Variants in MGAT5 observed in about 807,000 individuals in gnomAD.
The protein encoded by MGAT5 is alpha-1,6-mannosylglycoprotein 6-beta-N-acetylglucosaminyltransferase A.
MGAT5 carries 30 observed loss-of-function variants against 94.3 expected under a neutral mutation model. That is an observed-to-expected ratio of 0.32 (90% CI 0.24 to 0.43). The LOEUF (loss-of-function observed/expected upper bound fraction) is 0.43, where lower values mean the gene tolerates loss of function less well. MGAT5 is among the 20% of genes least tolerant of loss of function. MGAT5 has a pLI of 1.00. For missense variants in MGAT5, 691 were observed against 905.5 expected, an observed-to-expected ratio of 0.76 and a Z score of 3.04; for synonymous variants, 310 against 322.9, an observed-to-expected ratio of 0.96 and a Z score of 0.43.
At chr2:134,344,802 A>G (rs1230785107) in intron 7 of MGAT5, 128 bp from the exon 8 acceptor site, 1 of 1,043,382 alleles carries the variant, frequency 9.6e-7, no homozygotes, top group African/African-American at 1.6e-5. Context: ...CAGATTTGAA[A>G]GGGCCATGCT....
intron 10 of MGAT5, among the ~76,000 whole-genome samples, chr2:134,369,450 G>T (rs1285636836): frequency 6.6e-6 from 1 of 152,070 alleles, no homozygotes; most frequent in Non-Finnish European, 1.5e-5. Context: ...CATATGATTG[G>T]GACAGGCCAC....
intron 1 of MGAT5, among the ~76,000 whole-genome samples, chr2:134,222,531 C>T (rs768368971): frequency 3.4e-4 from 52 of 152,398 alleles, no homozygotes; most frequent in Middle Eastern, 3.4e-3. Flanking sequence ...GGTATAGTAT[C>T]CTGAGGAGGG....
intron 15 of MGAT5, 152 bp downstream of exon 15, chr2:134,442,067 T>A: frequency 1.2e-6 from 1 of 817,234 alleles, no homozygotes; most frequent in Non-Finnish European, 1.9e-6. Context: ...AGGATCCCCC[T>A]AGAGAGTTAG....
intron 11 of MGAT5, among the ~76,000 whole-genome samples, chr2:134,406,581 C>T (rs1018669946): frequency 6.6e-6 from 1 of 152,168 alleles, no homozygotes; most frequent in Non-Finnish European, 1.5e-5. Flanking sequence ...TGGATGTGCT[C>T]ACAAAACCTG....
intron 1 of MGAT5, among the ~76,000 whole-genome samples, chr2:134,258,308 GT>G (rs1227255698): frequency 2.6e-5 from 4 of 152,158 alleles, no homozygotes; most frequent in Admixed American, 2.6e-4. Context: ...AGTCACCATG[GT>G]TATTCTAAAT....
chr2:134,226,781 C>G (rs78537245), intron 1 of MGAT5, among the ~76,000 whole-genome samples: 1,688 of 152,242 alleles, frequency 0.011, 22 homozygotes, highest in African/African-American at 0.037. Flanking sequence ...AACGGACATG[C>G]CCTGCTCTTA....
intron 4 of MGAT5, among the ~76,000 whole-genome samples, chr2:134,326,167 A>C (rs1013097413): frequency 6.6e-6 from 1 of 151,540 alleles, no homozygotes; most frequent in Non-Finnish European, 1.5e-5. Context: ...GTGACTCTTC[A>C]TCAGGTATGT....
intron 13 of MGAT5, among the ~76,000 whole-genome samples, chr2:134,424,174 G>A (rs2106365571): frequency 6.6e-6 from 1 of 152,274 alleles, no homozygotes; most frequent in African/African-American, 2.4e-5. Flanking sequence ...TCAAAGCACA[G>A]TGTGACTGAA....
chr2:134,351,560 G>A (rs1679387648), intron 9 of MGAT5, among the ~76,000 whole-genome samples: 1 of 152,078 alleles, frequency 6.6e-6, no homozygotes, highest in Non-Finnish European at 1.5e-5. Context: ...GTTCTCCATG[G>A]ATGGAGAATT....
chr2:134,152,879 C>T (rs1017019920), intron 1 of MGAT5, among the ~76,000 whole-genome samples: 1 of 149,486 alleles, frequency 6.7e-6, no homozygotes, highest in African/African-American at 2.5e-5. Flanking sequence ...TAAGCATACC[C>T]TTTCCAGGCA....
At chr2:134,255,296 T>C (rs989319609) in intron 1 of MGAT5, among the ~76,000 whole-genome samples, 1 of 152,040 alleles carries the variant, frequency 6.6e-6, no homozygotes, top group Non-Finnish European at 1.5e-5. Flanking sequence ...AATACACATA[T>C]GGGATGTAAC....
At chr2:134,423,827 GTGT>G (rs67145781) in intron 13 of MGAT5, among the ~76,000 whole-genome samples, 19,660 of 152,116 alleles carry the variant, frequency 0.13, 1,665 homozygotes, top group East Asian at 0.3. Context: ...ATGTCTACTT[GTGT>G]TTAGTGTTTA....
intron 4 of MGAT5, among the ~76,000 whole-genome samples, chr2:134,336,011 C>CT (rs1258655493): frequency 1.3e-5 from 2 of 152,084 alleles, no homozygotes; most frequent in African/African-American, 4.8e-5. Context: ...TAATCTCTTC[C>CT]TTCTGACCTT....
intron 6 of MGAT5, among the ~76,000 whole-genome samples, 185 bp from the exon 7 acceptor site, chr2:134,341,405 T>C (rs927104461): frequency 1.3e-5 from 2 of 152,214 alleles, no homozygotes; most frequent in African/African-American, 4.8e-5. Flanking sequence ...TGATTTTGTT[T>C]CTCTAAAACC....
At chr2:134,212,605 G>T (rs1041164291) in intron 1 of MGAT5, among the ~76,000 whole-genome samples, 3 of 152,214 alleles carry the variant, frequency 2.0e-5, no homozygotes, top group African/African-American at 7.2e-5. Context: ...CCCGTAAAAT[G>T]ATCAACTTGA....
intron 1 of MGAT5, among the ~76,000 whole-genome samples, chr2:134,220,383 A>G (rs1304036131): frequency 1.3e-5 from 2 of 152,062 alleles, no homozygotes; most frequent in Non-Finnish European, 2.9e-5. Context: ...AAAGGCACAC[A>G]AGATGGTGTC....
rs775947721 is a variant in MGAT5, at chr2:134,317,533, C to A, written c.411C>A (p.Ile137=). The change falls in exon 3 of 16, where the codon ATC becomes ATA. Residue 137 remains isoleucine, a synonymous_variant. Coordinates refer to ENST00000281923, the MANE Select transcript of MGAT5 (RefSeq NM_002410.5). ...GTTGTTTTTCATTCTTCACAGATAT[C>A]ATTAACGGAGCTCAAGAAAAATGTG... ...VALEKINVAD[I]INGAQEKCVL... 1.7e-5 allele frequency: 26 copies of A among 1,563,816 alleles called. No individual in the cohort carries two copies. The highest frequency in any genetic ancestry group is 1.4e-4 in the South Asian group (12 of 83,718).
chr2:134,216,617 C>G (rs539518615), intron 1 of MGAT5, among the ~76,000 whole-genome samples: 1 of 152,188 alleles, frequency 6.6e-6, no homozygotes. Context: ...CCCAGGTTGC[C>G]CTGTGTGATG....
intron 2 of MGAT5, among the ~76,000 whole-genome samples, chr2:134,299,322 A>G (rs1194794910): frequency 5.9e-5 from 9 of 152,172 alleles, no homozygotes; most frequent in Non-Finnish European, 8.8e-5. Flanking sequence ...TTAGTTTTAG[A>G]TTGTTCAGTA....
Sources: gnomAD v4.1 joint callset for allele counts (sites outside exome capture counted in the v4.1 genomes callset) on GRCh38, gnomAD v4.1.1 for gene constraint, MANE v1.5 for transcripts, NCBI Gene and HGNC (gene_info 2026-07-23, HGNC 2026-07-21) for gene names.